The following SULF2 variants were observed in gnomAD, a reference collection of about 807,000 sequenced individuals.
The protein encoded by SULF2 is sulfatase 2, also known as extracellular sulfatase Sulf-2.
In SULF2, 52 loss-of-function variants were observed where a neutral mutation model predicts 107.7. That is an observed-to-expected ratio of 0.48 (90% CI 0.39 to 0.61). The LOEUF (loss-of-function observed/expected upper bound fraction) is 0.61. Ranked by LOEUF, SULF2 falls within the 20% of genes least tolerant of loss-of-function variation. The pLI, the probability that SULF2 is intolerant of heterozygous loss-of-function variation, is 0.00. For missense variants in SULF2, 993 were observed against 1,177.3 expected (o/e 0.84, Z 2.29); for synonymous variants, 460 against 464.3 (o/e 0.99, Z 0.12).
At chr20:47,728,842 C>G (rs2089518970) in intron 3 of SULF2, among the ~76,000 whole-genome samples, 1 of 152,152 alleles carries the variant, frequency 6.6e-6, no homozygotes, top group African/African-American at 2.4e-5. Context: ...GATGGGGTTT[C>G]ACCATGTTGG....
intron 16 of SULF2, 105 bp downstream of exon 16, chr20:47,663,348 T>C: frequency 1.3e-6 from 2 of 1,572,388 alleles, no homozygotes; most frequent in Middle Eastern, 2.3e-4. Context: ...CGTGGACCCC[T>C]GGTGTTGGGG....
In SULF2 at chr20:47,673,220, G is replaced by A. The variant is rs1466205090; in HGVS notation, c.1381-827C>T. Among the ~76,000 whole-genome samples, 4 of 152,298 alleles carry A rather than the reference G, an allele frequency of 2.6e-5. No homozygotes were observed. The East Asian group carries it at 7.7e-4, about 29-fold the overall frequency. On this transcript the variant is annotated intron_variant, in intron 10 of 20. Transcript: ENST00000688720. ...AGCTGCTCCAGCCCATTGACCCAGT[G>A]ACTCTTTAGGGCCTATTCTGTGCCA...
intron 2 of SULF2, among the ~76,000 whole-genome samples, chr20:47,738,019 C>T (rs1331773166): frequency 6.6e-6 from 1 of 152,032 alleles, no homozygotes; most frequent in Non-Finnish European, 1.5e-5. Flanking sequence ...GCTGTCATTA[C>T]AGTCATGAAC....
chr20:47,748,154 C>T (rs1057224825), intron 2 of SULF2, among the ~76,000 whole-genome samples: 4 of 152,196 alleles, frequency 2.6e-5, no homozygotes, highest in Admixed American at 2.6e-4. Flanking sequence ...TGGGGACCAC[C>T]AGGTCTCCCC....
At chr20:47,686,693 G>A (rs1292243971) in intron 5 of SULF2, among the ~76,000 whole-genome samples, 3 of 152,186 alleles carry the variant, frequency 2.0e-5, no homozygotes, top group Admixed American at 1.3e-4. Context: ...ACAATCGTCC[G>A]GGGCAGAAAT....
At chr20:47,753,792 G>A (rs558826368) in intron 2 of SULF2, among the ~76,000 whole-genome samples, 1 of 152,210 alleles carries the variant, frequency 6.6e-6, no homozygotes, top group Non-Finnish European at 1.5e-5. Flanking sequence ...CTCCCCAGAG[G>A]TTTAGATCAA....
intron 1 of SULF2, among the ~76,000 whole-genome samples, chr20:47,767,697 C>A (rs1258902514): frequency 6.6e-6 from 1 of 152,168 alleles, no homozygotes; most frequent in African/African-American, 2.4e-5. Context: ...ATGGCGTGAA[C>A]CCAGGAGGCA....
At chr20:47,731,210 T>TTG (rs1491437167) in intron 3 of SULF2, among the ~76,000 whole-genome samples, 2 of 135,760 alleles carry the variant, frequency 1.5e-5, no homozygotes, top group African/African-American at 6.2e-5. Context: ...TTTTTTTTTT[T>TTG]GAGACAGAGT....
chr20:47,690,730 C>T (rs1307690299), intron 4 of SULF2, among the ~76,000 whole-genome samples: 6 of 151,926 alleles, frequency 3.9e-5, no homozygotes, highest in African/African-American at 9.7e-5. Context: ...ATTAGCCAGG[C>T]GTGGTGGTAA....
chr20:47,703,564 C>A (rs1415685624), intron 3 of SULF2, among the ~76,000 whole-genome samples: 1 of 152,194 alleles, frequency 6.6e-6, no homozygotes, highest in Non-Finnish European at 1.5e-5. Context: ...CACTGAGTGG[C>A]TGCCCCAACC....
At chr20:47,716,031 A>G (rs1374675719) in intron 3 of SULF2, among the ~76,000 whole-genome samples, 1 of 152,144 alleles carries the variant, frequency 6.6e-6, no homozygotes, top group East Asian at 1.9e-4. Context: ...CATGACTTCC[A>G]TTTGTGGATG....
intron 3 of SULF2, among the ~76,000 whole-genome samples, chr20:47,732,087 G>GA (rs1296691901): frequency 1.3e-5 from 2 of 152,056 alleles, no homozygotes; most frequent in Non-Finnish European, 1.5e-5. Flanking sequence ...ATTGAGAAGG[G>GA]ATCTCACTAT....
chr20:47,661,710 T>C (rs2087075396), intron 18 of SULF2, 63 bp downstream of exon 18: 3 of 1,391,730 alleles, frequency 2.2e-6, no homozygotes, highest in Non-Finnish European at 2.8e-6. Flanking sequence ...AGACACCACC[T>C]CCTGAGTCCC....
chr20:47,666,810 G>A lies in SULF2; in HGVS notation c.1577-322C>T, dbSNP rs2087290017. On this transcript the variant is annotated intron_variant, in intron 11 of 20. Coordinates refer to ENST00000688720, the MANE Select transcript of SULF2 (RefSeq NM_001387048.1). This position sits in a 1 kb window ranked among gnomAD's most constrained non-coding sequence, Gnocchi z 5.4. ...CAACGGAATATGCGACCAGAACCAGGAGCGAGGTTCTGATTCACGCTAGAG... is the reference window on the plus strand; with the variant it reads ...CAACGGAATATGCGACCAGAACCAGAAGCGAGGTTCTGATTCACGCTAGAG... Among the ~76,000 whole-genome samples, 2 of 152,256 alleles carry A rather than the reference G, an allele frequency of 1.3e-5. No individual in the cohort carries two copies. The highest frequency in any genetic ancestry group is 2.9e-5 in the Non-Finnish European group (2 of 68,038).
chr20:47,782,700 T>C (rs1483087649), intron 1 of SULF2, among the ~76,000 whole-genome samples: 1 of 152,162 alleles, frequency 6.6e-6, no homozygotes. Flanking sequence ...GCATTTGATG[T>C]TTCCCTTTGC....
chr20:47,679,392 T>C (rs1003120399), intron 7 of SULF2, among the ~76,000 whole-genome samples: 6 of 152,216 alleles, frequency 3.9e-5, no homozygotes, highest in Non-Finnish European at 8.8e-5. Flanking sequence ...CCCCTCACCT[T>C]GGGTGTGGAC....
At chr20:47,704,668 C>T (rs2088672480) in intron 3 of SULF2, among the ~76,000 whole-genome samples, 1 of 152,210 alleles carries the variant, frequency 6.6e-6, no homozygotes, top group Non-Finnish European at 1.5e-5. Flanking sequence ...CTAGTCGTCT[C>T]TTTCTAGATG....
At chr20:47,767,890 CAG>C (rs2090555861) in intron 1 of SULF2, among the ~76,000 whole-genome samples, 1 of 146,976 alleles carries the variant, frequency 6.8e-6, no homozygotes, top group Non-Finnish European at 1.5e-5. Flanking sequence ...GCCTAGGCGA[CAG>C]AGCAAGACTC....
At position 47,689,819 on chromosome 20, in the gene SULF2, A is replaced by G. The variant is rs1412567736; in HGVS notation, c.737+307T>C. The G allele has an allele frequency of 3.7e-5, 9 of 243,480 alleles. No individual in the cohort carries two copies. The Admixed American group carries it at 4.5e-4, about 12-fold the overall frequency. The allele number at this position is 243,480 out of a possible 1,614,324, so 15.1% of individuals were successfully genotyped here. A position where few individuals can be genotyped will look rare whatever the true frequency, so the allele number is the denominator to read the frequency against. On this transcript the variant is annotated intron_variant, in intron 5 of 20. Coordinates refer to ENST00000688720, the MANE Select transcript of SULF2 (RefSeq NM_001387048.1). ...CCCCTCCTCAAAAGAATGTTTTTAG[A>G]TGTCTTAAATAAAATACACATGGCA...
Sources: gnomAD v4.1 joint callset for allele counts (sites outside exome capture counted in the v4.1 genomes callset) on GRCh38, gnomAD v4.1.1 for gene constraint, Gnocchi (gnomAD v3.1) non-coding constraint, MANE v1.5 for transcripts, NCBI Gene and HGNC (gene_info 2026-07-23, HGNC 2026-07-21) for gene names.